Variants in FHIT observed in about 807,000 individuals in gnomAD.
FHIT encodes fragile histidine triad diadenosine triphosphatase.
Under a neutral mutation model 17.9 loss-of-function variants are expected in FHIT, and 19 were observed. The observed-to-expected ratio is 1.06, with a 90% CI of 0.74 to 1.56. The LOEUF is 1.56. FHIT is among the 40% of genes most tolerant of loss of function. The pLI is 0.00. For missense variants in FHIT, 248 were observed against 189.2 expected (o/e 1.31, Z -1.82); for synonymous variants, 81 against 69.7 (o/e 1.16, Z -0.81).
At chr3:59,872,763 C>G (rs1199980409) in intron 8 of FHIT, among the ~76,000 whole-genome samples, 2 of 152,160 alleles carry the variant, frequency 1.3e-5, no homozygotes, top group African/African-American at 2.4e-5. Flanking sequence ...AGCTGTGTAG[C>G]CTGAGCTTAG....
At chr3:59,894,094 A>G (rs775772039) in intron 8 of FHIT, among the ~76,000 whole-genome samples, 1 of 152,142 alleles carries the variant, frequency 6.6e-6, no homozygotes, top group Non-Finnish European at 1.5e-5. Flanking sequence ...CTCTACAAAA[A>G]ATAGCCTGGT....
At chr3:60,152,865 A>C (rs773767064) in intron 5 of FHIT, among the ~76,000 whole-genome samples, 2 of 152,142 alleles carry the variant, frequency 1.3e-5, no homozygotes, top group Non-Finnish European at 2.9e-5. Context: ...CCCTGCTTTA[A>C]TTTGGAGGTC....
At chr3:60,738,534 C>T (rs2042178657) in intron 4 of FHIT, among the ~76,000 whole-genome samples, 1 of 152,178 alleles carries the variant, frequency 6.6e-6, no homozygotes, top group Non-Finnish European at 1.5e-5. Flanking sequence ...TTTACCGTGA[C>T]CGCAAGGATG....
At chr3:61,138,016 A>C (rs751515607) in intron 2 of FHIT, among the ~76,000 whole-genome samples, 1 of 152,182 alleles carries the variant, frequency 6.6e-6, no homozygotes, top group Non-Finnish European at 1.5e-5. Context: ...TCTGCCATTA[A>C]CCAACTATAT....
chr3:61,122,427 T>C lies in FHIT; in HGVS notation c.-164+78190A>G, dbSNP rs138906913. On this transcript the variant is annotated intron_variant, in intron 2 of 9. Transcript: ENST00000492590. ...CTAGAAGAAAACCTAGGCAATACCATTCAGGACATAAACATGGGCAAAGAC... is the reference window on the plus strand; with the variant it reads ...CTAGAAGAAAACCTAGGCAATACCACTCAGGACATAAACATGGGCAAAGAC... 3.5e-3 allele frequency among the ~76,000 whole-genome samples: 539 copies of C among 152,238 alleles called. 5 individuals carry two copies. The highest frequency in any genetic ancestry group is 0.013 in the African/African-American group (521 of 41,552).
intron 3 of FHIT, among the ~76,000 whole-genome samples, chr3:60,829,465 T>C (rs1702241553): frequency 6.6e-6 from 1 of 152,238 alleles, no homozygotes; most frequent in African/African-American, 2.4e-5. Context: ...GCCATGTTTC[T>C]CTTTCATGAT....
chr3:60,877,621 T>G (rs1243425997), intron 3 of FHIT, among the ~76,000 whole-genome samples: 2 of 152,120 alleles, frequency 1.3e-5, no homozygotes, highest in African/African-American at 2.4e-5. Context: ...AGTTAAAGTG[T>G]CACATTGCCC....
At chr3:60,029,899 G>GTGTGTGTGTGTGTGTC (rs1700922959) in intron 5 of FHIT, among the ~76,000 whole-genome samples, 10 of 123,288 alleles carry the variant, frequency 8.1e-5, no homozygotes, top group Non-Finnish European at 1.4e-4. Flanking sequence ...GTGTGTGTCT[G>GTGTGTGTGTGTGTGTC]TGTGTGTGTG....
At chr3:60,555,500 T>C (rs1016693790) in intron 4 of FHIT, among the ~76,000 whole-genome samples, 1 of 152,240 alleles carries the variant, frequency 6.6e-6, no homozygotes, top group Admixed American at 6.5e-5. Flanking sequence ...TTTTGCTTTT[T>C]CATTGCTTGA....
At chr3:60,967,272 C>G (rs1709790115) in intron 3 of FHIT, among the ~76,000 whole-genome samples, 1 of 152,114 alleles carries the variant, frequency 6.6e-6, no homozygotes, top group South Asian at 2.1e-4. Context: ...ACAAAAGAAA[C>G]AGTTCTGTTA....
Position 61,072,334 on chromosome 3 carries a change from T to C in FHIT, c.-163-30235A>G, listed in dbSNP as rs186647315. Among the ~76,000 whole-genome samples the C allele has an allele frequency of 4.2e-3, 642 of 152,288 alleles. 2 individuals carry two copies. The highest frequency in any genetic ancestry group is 0.014 in the African/African-American group (590 of 41,562). ...CCTAAGGCTTGAAGCTTAACTAGAC[T>C]AGGACAAGCATGGTAACTTCATTCC... is the stretch of plus-strand genomic sequence containing the variant. On this transcript the variant is annotated intron_variant, in intron 2 of 9. Transcript: ENST00000492590.
intron 4 of FHIT, among the ~76,000 whole-genome samples, chr3:60,742,761 T>C (rs1456616084): frequency 6.6e-6 from 1 of 152,134 alleles, no homozygotes; most frequent in Non-Finnish European, 1.5e-5. Context: ...TGCCCCTGAG[T>C]CCTCAGAAGA....
chr3:61,062,467 C>T (rs577902015), intron 2 of FHIT, among the ~76,000 whole-genome samples: 4 of 152,146 alleles, frequency 2.6e-5, no homozygotes, highest in Admixed American at 1.3e-4. Flanking sequence ...TGGATTTATA[C>T]GATCTTATAT....
chr3:60,412,076 G>C (rs972614009), intron 5 of FHIT, among the ~76,000 whole-genome samples: 3 of 151,906 alleles, frequency 2.0e-5, no homozygotes, highest in African/African-American at 4.8e-5. Context: ...TTTTAGCTTG[G>C]AAAGTTTTAA....
At chr3:60,936,741 A>T (rs539309556) in intron 3 of FHIT, among the ~76,000 whole-genome samples, 2 of 152,260 alleles carry the variant, frequency 1.3e-5, no homozygotes, top group East Asian at 3.9e-4. Flanking sequence ...TGTAAATTGA[A>T]CTCCCCTTGC....
intron 4 of FHIT, among the ~76,000 whole-genome samples, chr3:60,541,554 A>G (rs77183417): frequency 2.0e-5 from 3 of 152,318 alleles, no homozygotes; most frequent in African/African-American, 7.2e-5. Context: ...GTCCTTTGAC[A>G]TATGATTGGT....
At chr3:60,890,221 T>TAAAAAAAAAAAAAAAAAAAAAAAAAAAA (rs59950717) in intron 3 of FHIT, among the ~76,000 whole-genome samples, 1 of 115,658 alleles carries the variant, frequency 8.6e-6, no homozygotes, top group African/African-American at 3.8e-5. Flanking sequence ...TTCCATGATG[T>TAAAAAAAAAAAAAAAAAAAAAAAAAAAA]AAAAAAAAAA....
At chr3:59,907,071 C>T (rs947303171) in intron 8 of FHIT, among the ~76,000 whole-genome samples, 1 of 152,196 alleles carries the variant, frequency 6.6e-6, no homozygotes, top group African/African-American at 2.4e-5. Flanking sequence ...ATGATGAATA[C>T]CTCTCAGTTT....
At chr3:59,903,922 T>C (rs1179800930) in intron 8 of FHIT, among the ~76,000 whole-genome samples, 3 of 152,106 alleles carry the variant, frequency 2.0e-5, no homozygotes, top group Non-Finnish European at 1.5e-5. Flanking sequence ...GGAACTGAAT[T>C]TAAGGAAAGC....
Sources: gnomAD v4.1 joint callset for allele counts (sites outside exome capture counted in the v4.1 genomes callset) on GRCh38, gnomAD v4.1.1 for gene constraint, MANE v1.5 for transcripts, NCBI Gene and HGNC (gene_info 2026-07-23, HGNC 2026-07-21) for gene names.